Variants in CDC42BPB observed in about 807,000 individuals in gnomAD.
CDC42BPB encodes the protein CDC42 binding protein kinase beta.
Under a neutral mutation model 214.9 loss-of-function variants are expected in CDC42BPB, and 37 were observed. The observed-to-expected ratio is 0.17, with a 90% confidence interval of 0.13 to 0.23. CDC42BPB has a LOEUF of 0.23. Ranked by LOEUF, CDC42BPB falls within the 10% of genes least tolerant of loss-of-function variation. CDC42BPB has a pLI of 1.00. For synonymous variants in CDC42BPB, 931 were observed against 884.0 expected, an observed-to-expected ratio of 1.05 and a Z score of -0.94; for missense variants, 1,694 against 2,227.0, an observed-to-expected ratio of 0.76 and a Z score of 4.82.
intron 1 of CDC42BPB, among the ~76,000 whole-genome samples, chr14:103,048,890 T>G (rs932544609): frequency 6.6e-6 from 1 of 151,924 alleles, no homozygotes; most frequent in Non-Finnish European, 1.5e-5. Context: ...AAAAAAAATT[T>G]ACTCCATGGG....
chr14:103,024,521 C>G (rs1459782946), intron 1 of CDC42BPB, among the ~76,000 whole-genome samples: 1 of 152,192 alleles, frequency 6.6e-6, no homozygotes, highest in East Asian at 1.9e-4. Flanking sequence ...AGCAACTTAA[C>G]TTCAGTAATT....
chr14:102,963,205 T>C (rs763753053), intron 19 of CDC42BPB, 50 bp from the exon 20 acceptor site: 1 of 1,561,914 alleles, frequency 6.4e-7, no homozygotes, highest in South Asian at 1.1e-5. Flanking sequence ...AGGTTGTCTG[T>C]GAGCTGGTAT....
chr14:102,983,227 C>T (rs143998568), intron 7 of CDC42BPB, among the ~76,000 whole-genome samples: 348 of 152,286 alleles, frequency 2.3e-3, no homozygotes, highest in Non-Finnish European at 3.1e-3. Flanking sequence ...CCTGTGCAGA[C>T]GACGCGTCTG....
chr14:103,011,922 C>T (rs190171313), intron 2 of CDC42BPB, among the ~76,000 whole-genome samples, 175 bp downstream of exon 2: 32 of 152,212 alleles, frequency 2.1e-4, no homozygotes, highest in Admixed American at 2.0e-3. Flanking sequence ...TCAAAGCCAG[C>T]CTGGGCAACA....
chr14:102,985,666 T>C (rs1894212643), intron 6 of CDC42BPB, among the ~76,000 whole-genome samples: 1 of 152,262 alleles, frequency 6.6e-6, no homozygotes, highest in Non-Finnish European at 1.5e-5. Flanking sequence ...CCACTACTGC[T>C]TGAAAATCCG....
At chr14:102,971,747 C>A (rs1412312215) in intron 13 of CDC42BPB, among the ~76,000 whole-genome samples, 172 bp downstream of exon 13, 4 of 152,172 alleles carry the variant, frequency 2.6e-5, no homozygotes, top group Admixed American at 6.5e-5. Flanking sequence ...GTAATTTCAC[C>A]AATATTGAGG....
intron 7 of CDC42BPB, among the ~76,000 whole-genome samples, chr14:102,982,441 C>T (rs1415415276): frequency 3.9e-5 from 6 of 152,122 alleles, no homozygotes; most frequent in Non-Finnish European, 8.8e-5. Context: ...ATGCTATGAG[C>T]ACGCTGGTAG....
chr14:102,952,609 A>G lies in CDC42BPB; in HGVS notation c.3067-6T>C, dbSNP rs1257535076. The G allele has an allele frequency of 6.2e-7, 1 of 1,612,686 alleles. No homozygotes were observed. Among genetic ancestry groups the G allele is most frequent in the East Asian group, 2.2e-5 (1 of 44,880 alleles). ...CTGAACTGGTGAGCTTTTGGCTGGA[A>G]GGAGAAAATCAAGAACACTGAGGTG... On this transcript the variant is annotated splice_region_variant and splice_polypyrimidine_tract_variant and intron_variant, in intron 23 of 36. Coordinates refer to ENST00000361246, the MANE Select transcript of CDC42BPB (RefSeq NM_006035.4).
Position 102,980,739 on chromosome 14 carries a change from C to T in CDC42BPB, c.1140+34G>A, listed in dbSNP as rs199714990. 3.9e-4 allele frequency: 621 copies of T among 1,609,318 alleles called. 2 individuals are homozygous for T. The highest frequency in any genetic ancestry group is 1.9e-3 in the South Asian group (174 of 90,804). ...ACAGCACTGCATGTCAGACCCACAG[C>T]CAGCAACCCTGAGAACGGTGCTTTC... On this transcript the variant is annotated intron_variant, in intron 8 of 36. Coordinates refer to ENST00000361246, the MANE Select transcript of CDC42BPB (RefSeq NM_006035.4).
At chr14:102,973,458 G>A (rs1893577071) in intron 12 of CDC42BPB, among the ~76,000 whole-genome samples, 5 of 152,272 alleles carry the variant, frequency 3.3e-5, no homozygotes, top group African/African-American at 1.2e-4. Flanking sequence ...ATTTATAAAC[G>A]AATTATGGGG....
intron 34 of CDC42BPB, among the ~76,000 whole-genome samples, chr14:102,939,391 C>G (rs974189899): frequency 2.0e-5 from 3 of 152,236 alleles, no homozygotes; most frequent in African/African-American, 7.2e-5. Context: ...GCATCACTGC[C>G]CAGGGCGGCC....
At chr14:103,024,540 G>C (rs1169629249) in intron 1 of CDC42BPB, among the ~76,000 whole-genome samples, 1 of 152,146 alleles carries the variant, frequency 6.6e-6, no homozygotes, top group Non-Finnish European at 1.5e-5. Context: ...TTAGTAATTT[G>C]GGGAATTTTT....
chr14:102,955,599 A>T (rs1892676018), intron 21 of CDC42BPB, among the ~76,000 whole-genome samples: 1 of 152,244 alleles, frequency 6.6e-6, no homozygotes, highest in African/African-American at 2.4e-5. Context: ...TAAGAGTTCT[A>T]ATTTCACAGT....
At chr14:102,979,210 TTTC>T (rs897340018) in intron 8 of CDC42BPB, among the ~76,000 whole-genome samples, 1 of 151,942 alleles carries the variant, frequency 6.6e-6, no homozygotes, top group Admixed American at 6.6e-5. Context: ...AGATTTAACT[TTTC>T]TTGTTTTTTT....
At chr14:102,942,229 CCA>C (rs1286274819) in intron 30 of CDC42BPB, among the ~76,000 whole-genome samples, 2 of 136,068 alleles carry the variant, frequency 1.5e-5, no homozygotes, top group African/African-American at 2.6e-5. Flanking sequence ...GCCCCACTGC[CCA>C]CACATGTCTG....
At position 102,940,318 on chromosome 14, in the gene CDC42BPB, C is replaced by G; in HGVS notation, c.4415G>C (p.Ser1472Thr). 6.4e-7 allele frequency: 1 copy of G among 1,570,726 alleles called. No individual in the cohort carries two copies. Among genetic ancestry groups the G allele is most frequent in the Non-Finnish European group, 8.6e-7 (1 of 1,158,126 alleles). The change falls in exon 31 of 37, where the codon AGC becomes ACC. Residue 1472 changes from serine to threonine, a missense_variant. By Grantham distance (58) the Ser-to-Thr change is moderately conservative. Around this residue, in one of 7 missense-constraint regions of CDC42BPB, gnomAD observed 567 missense variants for 790.3 expected, o/e 0.72. Coordinates refer to ENST00000361246, the MANE Select transcript of CDC42BPB (RefSeq NM_006035.4). Reference sequence around the variant, plus strand: ...GCTGTACACCGTGACGTGGGTGGGGCTGCAACCTAGCGCAGACGGAGCAGG... The same window carrying G: ...GCTGTACACCGTGACGTGGGTGGGGGTGCAACCTAGCGCAGACGGAGCAGG... ...WPAAPVACSC[S>T]PTHVTVYSEY...
Position 102,933,556 on chromosome 14 carries a change from A to G in CDC42BPB, c.*156T>C. On this transcript the variant is annotated 3_prime_UTR_variant, in exon 37 of 37. Coordinates refer to ENST00000361246, the MANE Select transcript of CDC42BPB (RefSeq NM_006035.4). ...ACTGCCACGAACAATGCGGCATAAA[A>G]CTGATCAATATTATAATAAAGATTT... 1 of 613,124 alleles carries G rather than the reference A, an allele frequency of 1.6e-6. No homozygotes were observed. Among genetic ancestry groups the G allele is most frequent in the Non-Finnish European group, 2.6e-6 (1 of 391,786 alleles). 38.0% of individuals were successfully genotyped at this position (613,124 alleles called of 1,614,324 possible). A position where few individuals can be genotyped will look rare whatever the true frequency, so the allele number is the denominator to read the frequency against.
chr14:103,040,552 G>A (rs967946440), intron 1 of CDC42BPB, among the ~76,000 whole-genome samples: 2 of 151,822 alleles, frequency 1.3e-5, no homozygotes, highest in African/African-American at 2.4e-5. Flanking sequence ...TCTGCCTCCC[G>A]GGTTCAGGCG....
intron 1 of CDC42BPB, among the ~76,000 whole-genome samples, chr14:103,052,336 T>A (rs1888653157): frequency 6.6e-6 from 1 of 152,250 alleles, no homozygotes; most frequent in Non-Finnish European, 1.5e-5. Context: ...TTAAGTCTGT[T>A]ATTTTTAAAA....
Sources: allele counts gnomAD v4.1 joint callset (sites outside exome capture counted in the v4.1 genomes callset), GRCh38; gene constraint gnomAD v4.1.1; regional missense constraint gnomAD v4.1.1; transcripts MANE v1.5; gene names NCBI Gene and HGNC (gene_info 2026-07-23, HGNC 2026-07-21).